The following EBF1 variants were observed in gnomAD, a reference collection of about 807,000 sequenced individuals.
EBF1 encodes the protein EBF transcription factor 1, also known as transcription factor COE1.
In EBF1, 10 loss-of-function variants were observed where a neutral mutation model predicts 68.4. That is an observed-to-expected ratio of 0.15 (90% CI 0.09 to 0.25). The LOEUF (loss-of-function observed/expected upper bound fraction) is 0.25. Ranked by LOEUF, EBF1 falls within the 10% of genes least tolerant of loss-of-function variation. The probability of loss-of-function intolerance (pLI) is 1.00; values close to 1 mark genes in which losing one functional copy is unlikely to be tolerated. For missense variants in EBF1, 509 were observed against 794.4 expected, an observed-to-expected ratio of 0.64 and a Z score of 4.32; for synonymous variants, 298 against 299.8, an observed-to-expected ratio of 0.99 and a Z score of 0.06.
intron 6 of EBF1, among the ~76,000 whole-genome samples, chr5:159,031,901 C>T (rs1584104802): frequency 6.7e-6 from 1 of 149,270 alleles, no homozygotes. Flanking sequence ...TAAAACAAAA[C>T]CCGCCATCTT....
chr5:158,831,461 C>T (rs1211197155), intron 7 of EBF1, among the ~76,000 whole-genome samples: 2 of 152,040 alleles, frequency 1.3e-5, no homozygotes, highest in Non-Finnish European at 2.9e-5. Flanking sequence ...ACCGATAAAG[C>T]ATTTACCAAG....
intron 8 of EBF1, among the ~76,000 whole-genome samples, chr5:158,810,986 A>T (rs1467973878): frequency 3.3e-5 from 5 of 151,962 alleles, no homozygotes; most frequent in Admixed American, 3.3e-4. Context: ...CATGCTTCAG[A>T]TTTTCTCTTG....
intron 6 of EBF1, among the ~76,000 whole-genome samples, chr5:158,947,484 G>A (rs868623580): frequency 2.6e-5 from 4 of 152,160 alleles, no homozygotes; most frequent in South Asian, 2.1e-4. Context: ...GTGAGGCAGC[G>A]CCCCGTCCTG....
chr5:158,731,368 A>G (rs1215246194), intron 10 of EBF1, among the ~76,000 whole-genome samples: 1 of 152,182 alleles, frequency 6.6e-6, no homozygotes, highest in Non-Finnish European at 1.5e-5. Flanking sequence ...CCAAAAGAAC[A>G]TTAGGAGTAG....
At chr5:159,053,193 A>G (rs1290830074) in intron 6 of EBF1, among the ~76,000 whole-genome samples, 2 of 152,228 alleles carry the variant, frequency 1.3e-5, no homozygotes, top group Non-Finnish European at 2.9e-5. Context: ...CTTAATAGCT[A>G]TGTTGACGTT....
At chr5:158,905,781 C>T (rs771493887) in intron 6 of EBF1, among the ~76,000 whole-genome samples, 18 of 152,238 alleles carry the variant, frequency 1.2e-4, no homozygotes, top group Admixed American at 1.2e-3. Flanking sequence ...GTTCTAAAGG[C>T]AACCCAGTGA....
intron 6 of EBF1, among the ~76,000 whole-genome samples, chr5:158,908,972 C>T (rs900847488): frequency 6.6e-6 from 1 of 152,180 alleles, no homozygotes; most frequent in Non-Finnish European, 1.5e-5. Context: ...TCAACAGTGC[C>T]CCTCCTGCCG....
chr5:158,839,763 G>A (rs1212302485), intron 7 of EBF1, among the ~76,000 whole-genome samples: 1 of 152,218 alleles, frequency 6.6e-6, no homozygotes, highest in African/African-American at 2.4e-5. Flanking sequence ...TACTTAATCT[G>A]TGGGGGTTTA....
intron 6 of EBF1, among the ~76,000 whole-genome samples, chr5:158,854,278 G>A (rs1793546265): frequency 6.6e-6 from 1 of 152,220 alleles, no homozygotes; most frequent in Admixed American, 6.5e-5. Context: ...GACCCCTGTG[G>A]CTACACTAAA....
At chr5:158,704,429 G>A (rs1757424234) in intron 15 of EBF1, among the ~76,000 whole-genome samples, 1 of 152,102 alleles carries the variant, frequency 6.6e-6, no homozygotes, top group Non-Finnish European at 1.5e-5. Context: ...GCCTAAATGT[G>A]GCACCTCTAA....
chr5:158,960,271 C>T (rs1477612757), intron 6 of EBF1, among the ~76,000 whole-genome samples: 1 of 152,050 alleles, frequency 6.6e-6, no homozygotes, highest in Non-Finnish European at 1.5e-5. Flanking sequence ...TGAGCTTATT[C>T]AAAAATTGCC....
intron 9 of EBF1, among the ~76,000 whole-genome samples, chr5:158,794,946 C>T (rs1365563109): frequency 6.6e-6 from 1 of 152,162 alleles, no homozygotes; most frequent in Non-Finnish European, 1.5e-5. Context: ...GTTGAGTGGG[C>T]TGGGAAGCTC....
intron 6 of EBF1, among the ~76,000 whole-genome samples, chr5:159,017,863 G>A (rs147042470): frequency 6.6e-6 from 1 of 152,184 alleles, no homozygotes; most frequent in Non-Finnish European, 1.5e-5. Flanking sequence ...TTATTCAAAT[G>A]CATCACTGAA....
At chr5:159,087,099 T>C (rs1025372167) in intron 4 of EBF1, among the ~76,000 whole-genome samples, 1 of 151,942 alleles carries the variant, frequency 6.6e-6, no homozygotes, top group Non-Finnish European at 1.5e-5. Flanking sequence ...ACATGGTTTG[T>C]ATGTTCTCTA....
intron 6 of EBF1, among the ~76,000 whole-genome samples, chr5:158,969,600 CAAAAAAA>C: frequency 2.0e-5 from 1 of 49,256 alleles, no homozygotes; most frequent in South Asian, 7.0e-4. Context: ...CCCATCTCTA[CAAAAAAA>C]AAAAAAAAAA....
At chr5:158,808,713 A>T (rs1264442584) in intron 8 of EBF1, among the ~76,000 whole-genome samples, 1 of 152,196 alleles carries the variant, frequency 6.6e-6, no homozygotes, top group Non-Finnish European at 1.5e-5. Context: ...TTGTGAGATG[A>T]TGACGAAGAG....
chr5:158,703,045 T>C (rs1757107691), intron 15 of EBF1, among the ~76,000 whole-genome samples: 1 of 152,178 alleles, frequency 6.6e-6, no homozygotes, highest in Admixed American at 6.5e-5. Context: ...TTAGAATCAC[T>C]ACATCAGCGG....
At chr5:158,866,568 G>T (rs1795895794) in intron 6 of EBF1, among the ~76,000 whole-genome samples, 1 of 151,848 alleles carries the variant, frequency 6.6e-6, no homozygotes, top group Admixed American at 6.6e-5. Context: ...CATTACCCCT[G>T]CCTTGTCAAC....
intron 6 of EBF1, among the ~76,000 whole-genome samples, chr5:159,019,477 ATAAAATGTG>A (rs1766255345): frequency 6.6e-6 from 1 of 152,242 alleles, no homozygotes; most frequent in African/African-American, 2.4e-5. Context: ...ATTTCCAAAT[ATAAAATGTG>A]TAAAATCCAA....
Sources: allele counts gnomAD v4.1 joint callset (sites outside exome capture counted in the v4.1 genomes callset), GRCh38; gene constraint gnomAD v4.1.1; transcripts MANE v1.5; gene names NCBI Gene and HGNC (gene_info 2026-07-23, HGNC 2026-07-21).